Variants in FSHR observed in about 807,000 individuals in gnomAD.
FSHR encodes the protein follicle-stimulating hormone receptor.
Under a neutral mutation model 52.1 loss-of-function variants are expected in FSHR, and 46 were observed. That is an observed-to-expected ratio of 0.88 (90% CI 0.70 to 1.13). The LOEUF (loss-of-function observed/expected upper bound fraction) is 1.13. Ranked by LOEUF, FSHR falls within the 50% of genes most tolerant of loss-of-function variation. The pLI, the probability that FSHR is intolerant of heterozygous loss-of-function variation, is 0.00. For missense variants in FSHR, 964 were observed against 834.6 expected, an observed-to-expected ratio of 1.16 and a Z score of -1.91; for synonymous variants, 399 against 309.6, an observed-to-expected ratio of 1.29 and a Z score of -3.03.
intron 1 of FSHR, among the ~76,000 whole-genome samples, chr2:49,077,659 T>C (rs1669998011): frequency 6.6e-6 from 1 of 152,210 alleles, no homozygotes; most frequent in African/African-American, 2.4e-5. Context: ...TTGGCTCTGA[T>C]TATTTTATAA....
chr2:49,134,690 A>T (rs1380883884), intron 1 of FSHR, among the ~76,000 whole-genome samples: 1 of 152,232 alleles, frequency 6.6e-6, no homozygotes, highest in East Asian at 1.9e-4. Context: ...GATAGACTGG[A>T]TTAAGAAAAT....
At chr2:49,134,954 T>C (rs1000000997) in intron 1 of FSHR, among the ~76,000 whole-genome samples, 2 of 152,094 alleles carry the variant, frequency 1.3e-5, no homozygotes, top group African/African-American at 2.4e-5. Context: ...TTGGGAGATA[T>C]ACCTAATGCT....
chr2:49,054,880 TG>T, intron 2 of FSHR, among the ~76,000 whole-genome samples: 1 of 152,176 alleles, frequency 6.6e-6, no homozygotes, highest in Middle Eastern at 3.4e-3. Context: ...CTCATCCAAA[TG>T]AATGTCTTTT....
At chr2:49,038,375 A>G (rs1273214271) in intron 2 of FSHR, among the ~76,000 whole-genome samples, 1 of 152,044 alleles carries the variant, frequency 6.6e-6, no homozygotes, top group Middle Eastern at 3.2e-3. Context: ...TAATCCCAGT[A>G]CTTTGGGAGG....
intron 2 of FSHR, among the ~76,000 whole-genome samples, chr2:49,056,101 A>G (rs1442497947): frequency 6.6e-6 from 1 of 152,108 alleles, no homozygotes; most frequent in Non-Finnish European, 1.5e-5. Context: ...CAAAACAAGC[A>G]GATAACAATT....
chr2:48,997,583 G>T (rs1676078139), intron 4 of FSHR, among the ~76,000 whole-genome samples: 1 of 152,006 alleles, frequency 6.6e-6, no homozygotes, highest in Non-Finnish European at 1.5e-5. Flanking sequence ...TAGCCTTAGG[G>T]GTTAGTTGGA....
chr2:49,039,615 C>CT (rs1668410019), intron 2 of FSHR, among the ~76,000 whole-genome samples: 1 of 152,190 alleles, frequency 6.6e-6, no homozygotes. Context: ...CAGACTTCTA[C>CT]TTTTTTCCAA....
chr2:48,981,809 A>G (rs943669532), intron 8 of FSHR, among the ~76,000 whole-genome samples: 6 of 152,170 alleles, frequency 3.9e-5, no homozygotes, highest in African/African-American at 1.2e-4. Flanking sequence ...ATGCAGATAG[A>G]TGGTTGGTCG....
intron 4 of FSHR, among the ~76,000 whole-genome samples, chr2:49,004,373 C>G (rs1271629312): frequency 6.6e-6 from 1 of 152,154 alleles, no homozygotes; most frequent in Non-Finnish European, 1.5e-5. Flanking sequence ...GCATTTGAAT[C>G]CTGGGGAAGA....
intron 1 of FSHR, among the ~76,000 whole-genome samples, chr2:49,083,981 T>C (rs1488510941): frequency 6.6e-6 from 1 of 151,858 alleles, no homozygotes; most frequent in Admixed American, 6.6e-5. Flanking sequence ...AACTCAGCTC[T>C]GCACCAAGCA....
chr2:49,035,632 C>T (rs1668246757), intron 2 of FSHR, among the ~76,000 whole-genome samples: 1 of 152,198 alleles, frequency 6.6e-6, no homozygotes, highest in African/African-American at 2.4e-5. Flanking sequence ...TATAGAATTA[C>T]AGAACTACAG....
chr2:49,001,103 G>C (rs866066859), intron 4 of FSHR, among the ~76,000 whole-genome samples: 1 of 152,094 alleles, frequency 6.6e-6, no homozygotes, highest in Non-Finnish European at 1.5e-5. Context: ...CTTACAGAGA[G>C]TAACTGACCT....
At chr2:49,012,440 C>CA (rs1667309815) in intron 4 of FSHR, among the ~76,000 whole-genome samples, 1 of 152,018 alleles carries the variant, frequency 6.6e-6, no homozygotes, top group East Asian at 1.9e-4. Flanking sequence ...TAAGGTTCCT[C>CA]AGTGAAGCAT....
intron 2 of FSHR, among the ~76,000 whole-genome samples, chr2:49,031,153 A>G (rs1668086311): frequency 6.6e-6 from 1 of 152,134 alleles, no homozygotes; most frequent in African/African-American, 2.4e-5. Flanking sequence ...CAACACAAAC[A>G]GTGGAATGGC....
chr2:49,106,328 G>GGAGA (rs1010414108), intron 1 of FSHR, among the ~76,000 whole-genome samples: 1 of 151,954 alleles, frequency 6.6e-6, no homozygotes, highest in African/African-American at 2.4e-5. Flanking sequence ...GATGGAGGAA[G>GGAGA]GAGAGAGAGA....
At chr2:48,981,206 T>C (rs926504683) in intron 8 of FSHR, among the ~76,000 whole-genome samples, 1 of 152,230 alleles carries the variant, frequency 6.6e-6, no homozygotes, top group African/African-American at 2.4e-5. Context: ...GGGTCCTTCC[T>C]TGTACTTCAT....
At chr2:49,114,733 G>T (rs781185441) in intron 1 of FSHR, among the ~76,000 whole-genome samples, 5 of 152,102 alleles carry the variant, frequency 3.3e-5, no homozygotes, top group Non-Finnish European at 7.4e-5. Flanking sequence ...AGTTGGGATG[G>T]TTTCTCTCTC....
chr2:48,983,220 G>A (rs752519073), intron 6 of FSHR, 54 bp from the exon 7 acceptor site: 87 of 1,532,440 alleles, frequency 5.7e-5, no homozygotes, highest in Middle Eastern at 1.7e-4. Context: ...AACAATACAC[G>A]GGTTTCATAA....
chr2:49,072,626 G>T (rs1193301181), intron 1 of FSHR, among the ~76,000 whole-genome samples: 1 of 151,980 alleles, frequency 6.6e-6, no homozygotes, highest in Non-Finnish European at 1.5e-5. Context: ...TGTTTGAGAA[G>T]GTAAACACTA....
Sources: gnomAD v4.1 joint callset for allele counts (sites outside exome capture counted in the v4.1 genomes callset) on GRCh38, gnomAD v4.1.1 for gene constraint, MANE v1.5 for transcripts, NCBI Gene and HGNC (gene_info 2026-07-23, HGNC 2026-07-21) for gene names.